The following DCC variants were observed in gnomAD, a reference collection of about 807,000 sequenced individuals.
DCC encodes DCC netrin 1 receptor, also known as netrin receptor DCC.
Under a neutral mutation model 172.5 loss-of-function variants are expected in DCC, and 58 were observed. The observed-to-expected ratio is 0.34, with a 90% CI of 0.27 to 0.42. DCC has a LOEUF of 0.42. DCC is among the 10% of genes least tolerant of loss of function. The probability of loss-of-function intolerance (pLI) is 1.00; values close to 1 mark genes in which losing one functional copy is unlikely to be tolerated. For synonymous variants in DCC, 709 were observed against 644.5 expected (o/e 1.10, Z -1.52); for missense variants, 1,740 against 1,791.0 (o/e 0.97, Z 0.51).
chr18:52,366,328 C>G (rs182278088), intron 1 of DCC, among the ~76,000 whole-genome samples: 1 of 152,064 alleles, frequency 6.6e-6, no homozygotes, highest in Non-Finnish European at 1.5e-5. Flanking sequence ...TTGCAAAGAG[C>G]GAAAGAACAA....
intron 1 of DCC, among the ~76,000 whole-genome samples, chr18:52,421,904 C>A (rs1160139063): frequency 1.3e-5 from 2 of 152,186 alleles, no homozygotes; most frequent in African/African-American, 4.8e-5. Flanking sequence ...ATGCAAACTT[C>A]TAACTGTCCA....
At position 52,577,388 on chromosome 18, in the gene DCC, T is replaced by C. The variant is rs180907495; in HGVS notation, c.92-174666T>C. On this transcript the variant is annotated intron_variant, in intron 1 of 28. Transcript: ENST00000442544. ...TTTCATGGTGTCTTTTCAAGTATTA[T>C]AGCTATCTTTCCATTGGATGAACAG... Among the ~76,000 whole-genome samples, 13 of 152,352 alleles carry C rather than the reference T, an allele frequency of 8.5e-5. 1 individual carries two copies. Among genetic ancestry groups the C allele is most frequent in the Admixed American group, 5.9e-4 (9 of 15,306 alleles).
At chr18:52,847,383 G>A (rs1333973833) in intron 2 of DCC, among the ~76,000 whole-genome samples, 1 of 152,144 alleles carries the variant, frequency 6.6e-6, no homozygotes, top group Non-Finnish European at 1.5e-5. Flanking sequence ...ATTTTCAGGT[G>A]GCTCATGGAG....
intron 1 of DCC, among the ~76,000 whole-genome samples, chr18:52,414,243 G>A (rs1219902953): frequency 6.6e-6 from 1 of 151,968 alleles, no homozygotes; most frequent in Non-Finnish European, 1.5e-5. Context: ...ACCATGCCTG[G>A]CTAATTATTT....
At chr18:52,964,404 C>T (rs2040894991) in intron 5 of DCC, among the ~76,000 whole-genome samples, 2 of 152,042 alleles carry the variant, frequency 1.3e-5, no homozygotes, top group African/African-American at 2.4e-5. Flanking sequence ...AAAGATAAGG[C>T]ATTTTTATTA....
At chr18:53,331,794 G>A (rs1441693780) in intron 14 of DCC, among the ~76,000 whole-genome samples, 1 of 152,146 alleles carries the variant, frequency 6.6e-6, no homozygotes, top group Non-Finnish European at 1.5e-5. Flanking sequence ...TCTGTAATCT[G>A]GAATTGGGAT....
At chr18:52,517,548 A>G (rs578136786) in intron 1 of DCC, among the ~76,000 whole-genome samples, 1 of 152,380 alleles carries the variant, frequency 6.6e-6, no homozygotes, top group East Asian at 1.9e-4. Flanking sequence ...GTTGTACCAA[A>G]TAGCAACTCC....
intron 12 of DCC, among the ~76,000 whole-genome samples, chr18:53,303,338 GGGTATT>G (rs1194800438): frequency 6.6e-5 from 10 of 152,218 alleles, no homozygotes; most frequent in Non-Finnish European, 1.2e-4. Flanking sequence ...TAGATTACCA[GGGTATT>G]AATGACGTCT....
intron 5 of DCC, among the ~76,000 whole-genome samples, chr18:52,974,243 A>G (rs2041075709): frequency 6.6e-6 from 1 of 152,164 alleles, no homozygotes; most frequent in Admixed American, 6.5e-5. Flanking sequence ...GCATCTTCTG[A>G]TATTGTTCAC....
rs1909985777 is a variant in DCC at position 53,411,471 on chromosome 18, C to T, written c.3130+825C>T. Among the ~76,000 whole-genome samples, 3 of 152,026 alleles carry T rather than the reference C, an allele frequency of 2.0e-5. 1 individual carries two copies. The South Asian group carries it at 6.2e-4, about 32-fold the overall frequency. On this transcript the variant is annotated intron_variant, in intron 20 of 28. Coordinates refer to ENST00000442544, the MANE Select transcript of DCC (RefSeq NM_005215.4). ...CTCTTAAATCTGTGACCACATCATA[C>T]CTCTATATCTGGCAGAAATCTTAAT...
At chr18:53,440,746 T>C (rs1912223408) in intron 22 of DCC, among the ~76,000 whole-genome samples, 1 of 152,154 alleles carries the variant, frequency 6.6e-6, no homozygotes, top group South Asian at 2.1e-4. Flanking sequence ...GTTCAGTGAT[T>C]ACAAGAGACT....
At chr18:53,431,735 C>T (rs190041894) in intron 21 of DCC, among the ~76,000 whole-genome samples, 15 of 152,190 alleles carry the variant, frequency 9.9e-5, no homozygotes, top group Admixed American at 2.0e-4. Flanking sequence ...CCACCCTCCT[C>T]GGCCTCCCAA....
intron 1 of DCC, among the ~76,000 whole-genome samples, chr18:52,567,749 C>A (rs144041121): frequency 2.6e-4 from 39 of 152,068 alleles, no homozygotes; most frequent in African/African-American, 7.7e-4. Context: ...CAAGCCCAGA[C>A]TTTACTACTA....
At position 52,571,874 on chromosome 18, in the gene DCC, A is replaced by G. The variant is rs896889489; in HGVS notation, c.92-180180A>G. ...TTTTCCACAGTAGCAACATGTATGG[A>G]AACATACAAAGATTCCACAGGATTT... On this transcript the variant is annotated intron_variant, in intron 1 of 28. Transcript: ENST00000442544. Among the ~76,000 whole-genome samples the G allele has an allele frequency of 2.0e-5, 3 of 152,212 alleles. No homozygotes were observed. The East Asian group carries it at 5.8e-4, about 29-fold the overall frequency.
chr18:52,869,378 GCTCTGGT>G (rs1249760386), intron 2 of DCC, among the ~76,000 whole-genome samples: 1 of 152,192 alleles, frequency 6.6e-6, no homozygotes, highest in Admixed American at 6.5e-5. Context: ...TGTCTGCTCT[GCTCTGGT>G]TGAGCCCAGG....
intron 14 of DCC, among the ~76,000 whole-genome samples, chr18:53,334,726 A>G (rs2057572178): frequency 6.6e-6 from 1 of 152,192 alleles, no homozygotes; most frequent in African/African-American, 2.4e-5. Flanking sequence ...TATCATTGCC[A>G]AGGCTCCTGC....
At chr18:53,164,594 T>C (rs149569596) in intron 8 of DCC, among the ~76,000 whole-genome samples, 1 of 152,276 alleles carries the variant, frequency 6.6e-6, no homozygotes, top group East Asian at 1.9e-4. Context: ...CAATTACTAG[T>C]GACTTTGTTT....
At chr18:52,893,646 A>G (rs1014305035) in intron 2 of DCC, among the ~76,000 whole-genome samples, 7 of 152,186 alleles carry the variant, frequency 4.6e-5, no homozygotes, top group Non-Finnish European at 8.8e-5. Flanking sequence ...GAATTCTGAA[A>G]TCCAGAAGAT....
At chr18:52,960,585 A>G (rs2040826634) in intron 5 of DCC, among the ~76,000 whole-genome samples, 1 of 152,160 alleles carries the variant, frequency 6.6e-6, no homozygotes, top group Non-Finnish European at 1.5e-5. Context: ...TCAAGATGAC[A>G]TATTTGATAT....
Sources: gnomAD v4.1 joint callset for allele counts (sites outside exome capture counted in the v4.1 genomes callset) on GRCh38, gnomAD v4.1.1 for gene constraint, MANE v1.5 for transcripts, NCBI Gene and HGNC (gene_info 2026-07-23, HGNC 2026-07-21) for gene names.